KDM4C: variants seen among roughly 807,000 people sequenced by gnomAD.
KDM4C encodes the protein lysine demethylase 4C.
Under a neutral mutation model 129.3 loss-of-function variants are expected in KDM4C, and 81 were observed. The observed-to-expected ratio is 0.63, with a 90% confidence interval of 0.52 to 0.75. The LOEUF (loss-of-function observed/expected upper bound fraction) is 0.75, where lower values mean the gene tolerates loss of function less well. Among genes scored for constraint, KDM4C ranks in the 30% least tolerant of loss-of-function variants. The pLI is 0.00. For synonymous variants in KDM4C, 573 were observed against 456.1 expected (o/e 1.26, Z -3.26); for missense variants, 1,457 against 1,304.0 (o/e 1.12, Z -1.81).
At chr9:7,071,287 A>G (rs1045299459) in intron 17 of KDM4C, among the ~76,000 whole-genome samples, 8 of 152,344 alleles carry the variant, frequency 5.3e-5, no homozygotes, top group Middle Eastern at 6.8e-3. Context: ...AGGATTTACT[A>G]TAGAAAATGA....
At chr9:7,031,675 T>C (rs111569987) in intron 15 of KDM4C, among the ~76,000 whole-genome samples, 2,141 of 152,128 alleles carry the variant, frequency 0.014, 51 homozygotes, top group African/African-American at 0.048. Flanking sequence ...TTTATATATA[T>C]ATGTGTGTGT....
chr9:6,886,049 T>G (rs1845209987), intron 6 of KDM4C, among the ~76,000 whole-genome samples: 1 of 152,226 alleles, frequency 6.6e-6, no homozygotes, highest in Non-Finnish European at 1.5e-5. Flanking sequence ...TTGAGAAGTT[T>G]GATGGATCCA....
At chr9:7,145,030 C>T (rs1400996460) in intron 19 of KDM4C, among the ~76,000 whole-genome samples, 4 of 152,186 alleles carry the variant, frequency 2.6e-5, no homozygotes, top group Non-Finnish European at 2.9e-5. Flanking sequence ...TTGCGCATCA[C>T]CTGGCTGATT....
chr9:6,966,431 A>G (rs1830987608), intron 8 of KDM4C, among the ~76,000 whole-genome samples: 1 of 152,148 alleles, frequency 6.6e-6, no homozygotes, highest in South Asian at 2.1e-4. Context: ...CTGCCTCCCA[A>G]AGTGCTGGGA....
chr9:6,754,935 T>C (rs1818193287), upstream of KDM4C, among the ~76,000 whole-genome samples: 1 of 151,576 alleles, frequency 6.6e-6, no homozygotes, highest in South Asian at 2.1e-4. Context: ...TTATATATAT[T>C]TTAAGAAACT....
intron 19 of KDM4C, among the ~76,000 whole-genome samples, chr9:7,146,181 T>A (rs935302289): frequency 2.6e-5 from 4 of 152,192 alleles, no homozygotes; most frequent in African/African-American, 9.7e-5. Context: ...CAATTATGTA[T>A]AAAAATATAA....
chr9:7,040,211 C>T (rs1266658429), intron 15 of KDM4C, among the ~76,000 whole-genome samples: 1 of 151,996 alleles, frequency 6.6e-6, no homozygotes, highest in Admixed American at 6.6e-5. Flanking sequence ...CATTTTACTT[C>T]TTCATATACT....
intron 12 of KDM4C, among the ~76,000 whole-genome samples, chr9:6,995,508 A>G (rs1362351474): frequency 6.6e-6 from 1 of 152,256 alleles, no homozygotes; most frequent in Non-Finnish European, 1.5e-5. Flanking sequence ...ATGCAGCTAT[A>G]TAGAATGTTT....
At chr9:6,757,891 T>C, upstream of KDM4C, 1 of 985,410 alleles carries the variant, frequency 1.0e-6, no homozygotes, top group Non-Finnish European at 1.2e-6. Flanking sequence ...GCCGGGCACC[T>C]TTAAGCTGTT....
Position 6,789,618 on chromosome 9 carries a change from G to T in KDM4C, c.-17-3354G>T, listed in dbSNP as rs182972286. ...TGGACTCGAGTGATCTGCCTGCCTC[G>T]ACCTCTCAAAGTGCTGGGATTACAG... On this transcript the variant is annotated intron_variant, in intron 1 of 21. Transcript: ENST00000381309. Among the ~76,000 whole-genome samples, 12 of 151,956 alleles carry T rather than the reference G, an allele frequency of 7.9e-5. No homozygotes were observed. In the East Asian group the frequency reaches 2.3e-3, roughly 29 times the overall value.
chr9:6,892,275 A>G (rs536330137), intron 7 of KDM4C, among the ~76,000 whole-genome samples: 8 of 152,288 alleles, frequency 5.3e-5, no homozygotes, highest in African/African-American at 1.9e-4. Flanking sequence ...TTCCATTTGA[A>G]GGAGTGAGCA....
intron 19 of KDM4C, among the ~76,000 whole-genome samples, chr9:7,138,136 A>G (rs1384058027): frequency 6.6e-6 from 1 of 152,198 alleles, no homozygotes; most frequent in Non-Finnish European, 1.5e-5. Context: ...ATGATAGAAG[A>G]AAAGGCAGAG....
intron 19 of KDM4C, among the ~76,000 whole-genome samples, chr9:7,160,117 C>T (rs778707455): frequency 5.3e-5 from 8 of 152,236 alleles, no homozygotes; most frequent in Non-Finnish European, 8.8e-5. Flanking sequence ...TCCACTTGAT[C>T]GAGTTGGCTG....
chr9:6,949,712 C>T (rs1163712678), intron 8 of KDM4C, among the ~76,000 whole-genome samples: 1 of 152,196 alleles, frequency 6.6e-6, no homozygotes, highest in Non-Finnish European at 1.5e-5. Flanking sequence ...CGTGGCGGCG[C>T]GCGCCTGCAA....
At position 6,995,589 on chromosome 9, in the gene KDM4C, G is replaced by C. The variant is rs1382764221; in HGVS notation, c.1786+5065G>C. Reference sequence around the variant, plus strand: ...AGGTTAAGTGGTAAAATACAGTTCAGCTAGGTTTGTTTACATTGGAAATAT... The same window carrying C: ...AGGTTAAGTGGTAAAATACAGTTCACCTAGGTTTGTTTACATTGGAAATAT... On this transcript the variant is annotated intron_variant, in intron 12 of 21. Transcript: ENST00000381309. 7.2e-5 allele frequency among the ~76,000 whole-genome samples: 11 copies of C among 152,144 alleles called. 1 individual carries two copies. The highest frequency in any genetic ancestry group is 1.3e-4 in the Non-Finnish European group (9 of 68,012).
At position 7,046,920 on chromosome 9, in the gene KDM4C, A is replaced by C. The variant is rs761782968; in HGVS notation, c.2315+3A>C. 1 of 1,554,624 alleles carries C rather than the reference A, an allele frequency of 6.4e-7. No homozygotes were observed. The highest frequency in any genetic ancestry group is 8.9e-7 in the Non-Finnish European group (1 of 1,126,846). On this transcript the variant is annotated splice_donor_region_variant and intron_variant, in intron 16 of 21. Coordinates refer to ENST00000381309, the MANE Select transcript of KDM4C (RefSeq NM_015061.6). ...CTTAAGCAAACGAAGAACAATAAGT[A>C]AGTAATACATTAATTGTGTTGAATT...
At chr9:6,929,479 T>G (rs1040902354) in intron 8 of KDM4C, among the ~76,000 whole-genome samples, 1 of 145,258 alleles carries the variant, frequency 6.9e-6, no homozygotes, top group African/African-American at 2.7e-5. Context: ...TTCTTTTTTT[T>G]TTTTTTTTTT....
chr9:6,766,292 CGA>C (rs778346907), intron 1 of KDM4C, among the ~76,000 whole-genome samples: 10 of 151,970 alleles, frequency 6.6e-5, no homozygotes, highest in Admixed American at 1.3e-4. Flanking sequence ...TGTTTGCCCT[CGA>C]AACTTTCAGA....
At chr9:6,838,345 C>G (rs1836262029) in intron 4 of KDM4C, among the ~76,000 whole-genome samples, 2 of 152,108 alleles carry the variant, frequency 1.3e-5, no homozygotes, top group East Asian at 1.9e-4. Context: ...GCACAGTGAT[C>G]TTTGCTTGTA....
Sources: gnomAD v4.1 joint callset for allele counts (sites outside exome capture counted in the v4.1 genomes callset) on GRCh38, gnomAD v4.1.1 for gene constraint, MANE v1.5 for transcripts, NCBI Gene and HGNC (gene_info 2026-07-23, HGNC 2026-07-21) for gene names.